The following HPSE2 variants were observed in gnomAD, a reference collection of about 807,000 sequenced individuals.
HPSE2 encodes inactive heparanase-2.
A neutral mutation model predicts 60.5 loss-of-function variants in HPSE2; 38 were observed. The ratio of observed to expected loss-of-function variants is 0.63; its 90% confidence interval spans 0.48 to 0.82. The LOEUF (loss-of-function observed/expected upper bound fraction) is 0.82, where lower values mean the gene tolerates loss of function less well. Among genes scored for constraint, HPSE2 ranks in the 40% least tolerant of loss-of-function variants. The probability of loss-of-function intolerance (pLI) is 0.00; values close to 1 mark genes in which losing one functional copy is unlikely to be tolerated. For synonymous variants in HPSE2, 295 were observed against 293.2 expected (o/e 1.01, Z -0.06); for missense variants, 713 against 740.4 (o/e 0.96, Z 0.43).
chr10:98,915,385 G>A (rs1376375465), intron 3 of HPSE2, among the ~76,000 whole-genome samples: 1 of 152,032 alleles, frequency 6.6e-6, no homozygotes, highest in African/African-American at 2.4e-5. Context: ...CTGACCTCCT[G>A]ATCTGCCTGC....
At chr10:99,218,113 T>C (rs968656000) in intron 2 of HPSE2, among the ~76,000 whole-genome samples, 1 of 151,794 alleles carries the variant, frequency 6.6e-6, no homozygotes, top group African/African-American at 2.4e-5. Flanking sequence ...AACCCGGAAA[T>C]GAATGCAACA....
In HPSE2 at chr10:98,821,618, AACTGCAAACGTT is replaced by A. The variant is rs561078180; in HGVS notation, c.611-77574_611-77563del. 1.6e-3 allele frequency among the ~76,000 whole-genome samples: 251 copies of A among 152,338 alleles called. 2 individuals are homozygous for A. Among genetic ancestry groups the A allele is most frequent in the African/African-American group, 5.6e-3 (234 of 41,568 alleles). Reference sequence around the variant, plus strand: ...AGGGCTTATATTCTGGTGAAAATAAAACTGCAAACGTTTACACCAACAGCCGTTACGCCTTTG... The same window carrying A: ...AGGGCTTATATTCTGGTGAAAATAAATACACCAACAGCCGTTACGCCTTTG... On this transcript the variant is annotated intron_variant, in intron 3 of 11. Coordinates refer to ENST00000370552, the MANE Select transcript of HPSE2 (RefSeq NM_021828.5).
At chr10:99,106,935 A>G (rs1844271315) in intron 3 of HPSE2, among the ~76,000 whole-genome samples, 1 of 152,018 alleles carries the variant, frequency 6.6e-6, no homozygotes. Flanking sequence ...CAGTGGTGTG[A>G]TTTCAGCTCG....
At chr10:98,531,396 T>C (rs1028200669) in intron 9 of HPSE2, among the ~76,000 whole-genome samples, 4 of 152,160 alleles carry the variant, frequency 2.6e-5, no homozygotes, top group African/African-American at 4.8e-5. Flanking sequence ...AGCCTTTACT[T>C]AGTGCTATCA....
At chr10:98,461,861 A>G (rs1940304876) in intron 11 of HPSE2, 12 of 1,374,094 alleles carry the variant, frequency 8.7e-6, no homozygotes, top group Non-Finnish European at 1.2e-5. Context: ...AACCTTTAAA[A>G]ATCTATACTA....
intron 9 of HPSE2, among the ~76,000 whole-genome samples, chr10:98,529,342 C>A (rs1943066082): frequency 6.6e-6 from 1 of 152,190 alleles, no homozygotes. Flanking sequence ...ATAGTGATCT[C>A]TATCGACACT....
At position 98,721,764 on chromosome 10, in the gene HPSE2, G is replaced by A. The variant is rs1442617184; in HGVS notation, c.849C>T (p.Tyr283=). ...AVNGSQLGKD[Y]IQLKSLLQPI... is the part of the protein sequence containing the mutation. Reference sequence around the variant, plus strand: ...GCTGCAACAGGCTCTTCAGCTGGATGTAATCCTTTCCCAACTGGCTGCCAT... The same window carrying A: ...GCTGCAACAGGCTCTTCAGCTGGATATAATCCTTTCCCAACTGGCTGCCAT... The change falls in exon 5 of 12, where the codon TAC becomes TAT. Residue 283 remains tyrosine (Y), a synonymous_variant. Coordinates refer to ENST00000370552, the MANE Select transcript of HPSE2 (RefSeq NM_021828.5). The A allele has an allele frequency of 6.2e-7, 1 of 1,613,670 alleles. No homozygotes were observed. Among genetic ancestry groups the A allele is most frequent in the Non-Finnish European group, 8.5e-7 (1 of 1,179,826 alleles).
chr10:99,086,922 A>T (rs1472664764), intron 3 of HPSE2, among the ~76,000 whole-genome samples: 1 of 152,246 alleles, frequency 6.6e-6, no homozygotes, highest in Non-Finnish European at 1.5e-5. Context: ...TCAGTCCAAA[A>T]GATCCCTAGC....
At chr10:98,806,984 A>G (rs1951056903) in intron 3 of HPSE2, among the ~76,000 whole-genome samples, 1 of 152,056 alleles carries the variant, frequency 6.6e-6, no homozygotes, top group African/African-American at 2.4e-5. Flanking sequence ...TCTACTAAAA[A>G]TACAAAAAAT....
chr10:99,256,746 A>G, the HPSE2 span, among the ~76,000 whole-genome samples: 1 of 152,212 alleles, frequency 6.6e-6, no homozygotes, highest in African/African-American at 2.4e-5. Context: ...GAACTAATAC[A>G]TGAATTTATC....
rs144495041 is a variant in HPSE2 at position 98,873,439 on chromosome 10, T to C, written c.611-129383A>G. Among the ~76,000 whole-genome samples, 780 of 152,204 alleles carry C rather than the reference T, an allele frequency of 5.1e-3. 6 individuals carry two copies. The highest frequency in any genetic ancestry group is 0.01 in the Middle Eastern group (3 of 294). ...GTTCTCATTGCTCAACTCCCACTTA[T>C]GAGTGGGAACATGTGGTGTTTGGTT... On this transcript the variant is annotated intron_variant, in intron 3 of 11. Coordinates refer to ENST00000370552, the MANE Select transcript of HPSE2 (RefSeq NM_021828.5).
At chr10:98,981,600 G>A (rs531708892) in intron 3 of HPSE2, among the ~76,000 whole-genome samples, 2 of 152,172 alleles carry the variant, frequency 1.3e-5, no homozygotes, top group Non-Finnish European at 2.9e-5. Context: ...TCCAGTCTTT[G>A]CATAAAAGGA....
chr10:99,301,177 T>A, the HPSE2 span, among the ~76,000 whole-genome samples: 27 of 152,234 alleles, frequency 1.8e-4, no homozygotes, highest in African/African-American at 6.5e-4. Context: ...TCATGCTGCA[T>A]CTCAGCTTAC....
At chr10:99,095,285 G>A (rs145603856) in intron 3 of HPSE2, among the ~76,000 whole-genome samples, 2 of 152,174 alleles carry the variant, frequency 1.3e-5, no homozygotes, top group East Asian at 3.9e-4. Flanking sequence ...TTAGTATTCA[G>A]CATGGTAAAG....
chr10:98,539,984 T>G (rs1440310065), intron 9 of HPSE2, among the ~76,000 whole-genome samples: 2 of 152,220 alleles, frequency 1.3e-5, no homozygotes, highest in African/African-American at 4.8e-5. Context: ...AACCGGGATT[T>G]CAGGCCCTGC....
At chr10:98,537,444 A>T (rs1162402801) in intron 9 of HPSE2, among the ~76,000 whole-genome samples, 1 of 152,362 alleles carries the variant, frequency 6.6e-6, no homozygotes, top group East Asian at 1.9e-4. Flanking sequence ...TCATAATACA[A>T]ATTAGATATA....
intron 6 of HPSE2, among the ~76,000 whole-genome samples, chr10:98,647,512 C>T (rs758888213): frequency 1.3e-5 from 2 of 152,186 alleles, no homozygotes; most frequent in Non-Finnish European, 2.9e-5. Flanking sequence ...TAACACCCAG[C>T]CTGCTGACTG....
At chr10:98,833,262 C>T (rs1273876012) in intron 3 of HPSE2, among the ~76,000 whole-genome samples, 1 of 152,172 alleles carries the variant, frequency 6.6e-6, no homozygotes, top group Non-Finnish European at 1.5e-5. Context: ...AACTACTTTT[C>T]TTCCTGAATA....
chr10:99,300,943 C>T, the HPSE2 span, among the ~76,000 whole-genome samples: 27 of 152,228 alleles, frequency 1.8e-4, no homozygotes, highest in Non-Finnish European at 3.2e-4. Context: ...CCATGTAACA[C>T]CCCCATTTTA....
Sources: allele counts gnomAD v4.1 joint callset (sites outside exome capture counted in the v4.1 genomes callset), GRCh38; gene constraint gnomAD v4.1.1; transcripts MANE v1.5; gene names NCBI Gene and HGNC (gene_info 2026-07-23, HGNC 2026-07-21).